Variants in DOCK8 observed in about 807,000 individuals in gnomAD.
DOCK8 encodes the protein dedicator of cytokinesis 8.
A neutral mutation model predicts 245.6 loss-of-function variants in DOCK8; 141 were observed. The ratio of observed to expected loss-of-function variants is 0.57; its 90% confidence interval spans 0.50 to 0.66. DOCK8 has a LOEUF of 0.66. DOCK8 is among the 30% of genes least tolerant of loss of function. The pLI is 0.00. For missense variants in DOCK8, 2,965 were observed against 2,603.4 expected, an observed-to-expected ratio of 1.14 and a Z score of -3.02; for synonymous variants, 1,168 against 970.2, an observed-to-expected ratio of 1.20 and a Z score of -3.79.
At chr9:434,500 G>T (rs1587031699) in intron 38 of DOCK8, among the ~76,000 whole-genome samples, 2 of 152,176 alleles carry the variant, frequency 1.3e-5, no homozygotes, top group East Asian at 3.9e-4. Context: ...AAATTTGCCT[G>T]AGAGCCATTA....
chr9:389,292 G>C (rs377667426), intron 23 of DOCK8, among the ~76,000 whole-genome samples: 16 of 152,204 alleles, frequency 1.1e-4, no homozygotes, highest in African/African-American at 3.6e-4. Context: ...CTGTAGAATG[G>C]AAAAGGTATA....
chr9:401,784 AG>A (rs2055118715), intron 26 of DOCK8, among the ~76,000 whole-genome samples: 1 of 152,210 alleles, frequency 6.6e-6, no homozygotes, highest in Admixed American at 6.5e-5. Context: ...ACTTTTCTAA[AG>A]GAAGTCCTGT....
chr9:400,272 CACCACCACTTCCTT>C (rs2054812556), intron 26 of DOCK8, among the ~76,000 whole-genome samples: 3 of 89,524 alleles, frequency 3.4e-5, no homozygotes, highest in African/African-American at 5.6e-5. Context: ...CCTCCACCAT[CACCACCACTTCCTT>C]CACCACCACC....
rs1344630126 is a variant in DOCK8, at chr9:379,640, C to T, written c.2441-131C>T. 4.0e-6 allele frequency: 4 copies of T among 989,522 alleles called. No individual in the cohort carries two copies. The Admixed American group carries it at 5.9e-5, about 15-fold the overall frequency. 61.3% of individuals were successfully genotyped at this position (989,522 alleles called of 1,614,324 possible). On this transcript the variant is annotated intron_variant, in intron 20 of 47. Transcript: ENST00000432829. ...CCAGCATGCCAGAGCTCACCAAAAC[C>T]ATCTACCCTTCCCAGGCCTAGTTAA... is the stretch of plus-strand genomic sequence containing the variant.
At position 305,476 on chromosome 9, in the gene DOCK8, G is replaced by T. The variant is rs1055724868; in HGVS notation, c.528+772G>T. 4.6e-5 allele frequency among the ~76,000 whole-genome samples: 7 copies of T among 152,098 alleles called. No individual in the cohort carries two copies. In the East Asian group the frequency reaches 1.2e-3, roughly 25 times the overall value. On this transcript the variant is annotated intron_variant, in intron 5 of 47. Transcript: ENST00000432829. ...TTCTTTTTGTATTTTTAGTAGAGACGGGGTTTCACCGTGTTAGTCAGGATG... is the reference window on the plus strand; with the variant it reads ...TTCTTTTTGTATTTTTAGTAGAGACTGGGTTTCACCGTGTTAGTCAGGATG...
In DOCK8 at chr9:386,393, T is replaced by A. The variant is rs762855232; in HGVS notation, c.2841T>A (p.Ser947Arg). 6.2e-7 allele frequency: 1 copy of A among 1,613,878 alleles called. No individual in the cohort carries two copies. The highest frequency in any genetic ancestry group is 8.5e-7 in the Non-Finnish European group (1 of 1,179,886). Residue 947 changes from serine to arginine, a missense_variant, in exon 23 of 48, where the codon AGT becomes AGA. Transcript: ENST00000432829. ...YYCSGSSDAP[S>R]SPAAPRPASK... ...GCTCTGGCAGTAGTGATGCTCCAAGTTCACCTGCAGCCCCAAGGCCAGCCA... is the reference window on the plus strand; with the variant it reads ...GCTCTGGCAGTAGTGATGCTCCAAGATCACCTGCAGCCCCAAGGCCAGCCA...
chr9:418,868 T>G (rs1164513980), intron 30 of DOCK8, among the ~76,000 whole-genome samples: 1 of 150,230 alleles, frequency 6.7e-6, no homozygotes, highest in East Asian at 1.9e-4. Flanking sequence ...TGTGTGTAAT[T>G]CATACAGTGT....
chr9:378,015 G>A lies in DOCK8; in HGVS notation c.2440+804G>A, dbSNP rs745798781. Among the ~76,000 whole-genome samples the A allele has an allele frequency of 3.9e-5, 6 of 152,154 alleles. No homozygotes were observed. In the East Asian group the frequency reaches 5.8e-4, roughly 15 times the overall value. The stretch of plus-strand genomic sequence containing the variant: ...CTCTTTGCTTTCCAGTCCAGCAGAC[G>A]TCTTTTGGGTACCATCCATATGCCC... On this transcript the variant is annotated intron_variant, in intron 20 of 47. Coordinates refer to ENST00000432829, the MANE Select transcript of DOCK8 (RefSeq NM_203447.4).
chr9:410,523 A>G (rs935010298), intron 28 of DOCK8, among the ~76,000 whole-genome samples: 4 of 152,188 alleles, frequency 2.6e-5, no homozygotes, highest in Non-Finnish European at 4.4e-5. Flanking sequence ...ATGCCTGTGC[A>G]TGGTTTTGGG....
At chr9:367,091 A>G (rs2053040839) in intron 14 of DOCK8, among the ~76,000 whole-genome samples, 2 of 152,240 alleles carry the variant, frequency 1.3e-5, no homozygotes, top group Non-Finnish European at 2.9e-5. Context: ...GATGATGACA[A>G]TGATAATAGT....
chr9:398,182 A>G (rs368831247), intron 25 of DOCK8, among the ~76,000 whole-genome samples: 2 of 152,194 alleles, frequency 1.3e-5, no homozygotes, highest in East Asian at 1.9e-4. Flanking sequence ...TCCAAAAGTC[A>G]CACACAGCCA....
chr9:270,765 C>G (rs2048142329), intron 1 of DOCK8, among the ~76,000 whole-genome samples: 1 of 152,158 alleles, frequency 6.6e-6, no homozygotes, highest in South Asian at 2.1e-4. Flanking sequence ...CTGTTAGTTT[C>G]TAATTATATT....
chr9:340,089 A>G, intron 13 of DOCK8, 70 bp from the exon 14 acceptor site: 1 of 1,553,042 alleles, frequency 6.4e-7, no homozygotes, highest in Non-Finnish European at 8.9e-7. Flanking sequence ...AACACAGTGC[A>G]ACAATCTTTC....
At chr9:328,312 T>C in intron 9 of DOCK8, 141 bp downstream of exon 9, 4 of 1,163,396 alleles carry the variant, frequency 3.4e-6, no homozygotes, top group Non-Finnish European at 4.9e-6. Flanking sequence ...AGTTTACCCC[T>C]TTTCCGTTCT....
intron 30 of DOCK8, 101 bp downstream of exon 30, chr9:418,308 G>T: frequency 6.6e-7 from 1 of 1,517,118 alleles, no homozygotes; most frequent in Non-Finnish European, 9.1e-7. Context: ...GTCTCACTCT[G>T]TTGCACAGGC....
intron 1 of DOCK8, among the ~76,000 whole-genome samples, chr9:234,116 TG>T (rs2047189834): frequency 6.6e-6 from 1 of 152,200 alleles, no homozygotes; most frequent in Non-Finnish European, 1.5e-5. Flanking sequence ...TCTCAGCATT[TG>T]CTTGTCTGTA....
intron 1 of DOCK8, among the ~76,000 whole-genome samples, chr9:256,067 G>T (rs1252473734): frequency 6.6e-6 from 1 of 152,174 alleles, no homozygotes; most frequent in Admixed American, 6.5e-5. Flanking sequence ...ACACTAACAT[G>T]ACCAACTCTT....
At chr9:252,114 C>T (rs1330652980) in intron 1 of DOCK8, among the ~76,000 whole-genome samples, 1 of 151,794 alleles carries the variant, frequency 6.6e-6, no homozygotes, top group East Asian at 1.9e-4. Context: ...GCTGGGGCTA[C>T]AGGCATATGC....
intron 5 of DOCK8, among the ~76,000 whole-genome samples, chr9:308,218 A>G (rs61011610): frequency 0.035 from 5,400 of 152,314 alleles, 212 homozygotes; most frequent in African/African-American, 0.094. Flanking sequence ...AATGTTCCCA[A>G]CACAAAGAAA....
Sources: gnomAD v4.1 joint callset for allele counts (sites outside exome capture counted in the v4.1 genomes callset) on GRCh38, gnomAD v4.1.1 for gene constraint, MANE v1.5 for transcripts, NCBI Gene and HGNC (gene_info 2026-07-23, HGNC 2026-07-21) for gene names.